Variants in DNAH7 observed in about 807,000 individuals in gnomAD.
DNAH7 encodes the protein dynein axonemal heavy chain 7.
DNAH7 carries 397 observed loss-of-function variants against 444.6 expected under a neutral mutation model. The ratio of observed to expected loss-of-function variants is 0.89; its 90% confidence interval spans 0.82 to 0.97. DNAH7 has a LOEUF of 0.97. DNAH7 is among the 50% of genes least tolerant of loss of function. The pLI is 0.00. For missense variants in DNAH7, 4,902 were observed against 4,800.8 expected (o/e 1.02, Z -0.62); for synonymous variants, 1,636 against 1,624.4 (o/e 1.01, Z -0.17).
At chr2:195,965,022 G>C (rs1192530391) in intron 17 of DNAH7, among the ~76,000 whole-genome samples, 1 of 152,140 alleles carries the variant, frequency 6.6e-6, no homozygotes, top group East Asian at 1.9e-4. Context: ...TGGTGAAAGT[G>C]GGCATCCTTG....
chr2:195,990,752 A>T (rs1693246550), intron 12 of DNAH7, among the ~76,000 whole-genome samples: 1 of 146,012 alleles, frequency 6.8e-6, no homozygotes, highest in South Asian at 2.1e-4. Context: ...CAGTACCATG[A>T]TGTTTAGGTT....
chr2:196,016,583 G>A lies in DNAH7; in HGVS notation c.869+2587C>T, dbSNP rs182458429. Among the ~76,000 whole-genome samples the A allele has an allele frequency of 2.6e-4, 39 of 152,332 alleles. 1 individual carries two copies. The East Asian group carries it at 5.8e-3, about 23-fold the overall frequency. ...TAAGGATCCTAGCCCATTCTCTGAA[G>A]TCAGCAGAGGCCCCTGAAGTATGTA... On this transcript the variant is annotated intron_variant, in intron 9 of 64. Transcript: ENST00000312428.
At chr2:195,989,355 T>G (rs1004305544) in intron 12 of DNAH7, among the ~76,000 whole-genome samples, 3 of 152,186 alleles carry the variant, frequency 2.0e-5, no homozygotes, top group Non-Finnish European at 2.9e-5. Flanking sequence ...CACATCATCT[T>G]TTGTCTTTTC....
chr2:196,061,191 T>A (rs1307470317), intron 1 of DNAH7, among the ~76,000 whole-genome samples: 1 of 152,154 alleles, frequency 6.6e-6, no homozygotes, highest in African/African-American at 2.4e-5. Context: ...TGATCTTATT[T>A]CTCCTGTTCC....
chr2:196,019,658 C>T (rs1695249983), intron 8 of DNAH7, among the ~76,000 whole-genome samples: 1 of 152,154 alleles, frequency 6.6e-6, no homozygotes, highest in South Asian at 2.1e-4. Flanking sequence ...TCAGGACATA[C>T]ATTTAAATTT....
chr2:195,936,494 AAAT>A, intron 20 of DNAH7, 102 bp downstream of exon 20: 1 of 702,320 alleles, frequency 1.4e-6, no homozygotes, highest in Non-Finnish European at 2.1e-6. Flanking sequence ...CTTGTAGAAA[AAAT>A]ATTATATAAA....
chr2:195,991,183 A>G (rs1693314769), intron 12 of DNAH7, among the ~76,000 whole-genome samples: 1 of 151,938 alleles, frequency 6.6e-6, no homozygotes, highest in Non-Finnish European at 1.5e-5. Flanking sequence ...GCTAGCATAC[A>G]ACACAAAGCT....
intron 17 of DNAH7, among the ~76,000 whole-genome samples, chr2:195,963,721 TGTA>T (rs1691269353): frequency 6.6e-6 from 1 of 152,244 alleles, no homozygotes; most frequent in Non-Finnish European, 1.5e-5. Flanking sequence ...CAATGTTTCT[TGTA>T]GTAGTTTCAT....
intron 21 of DNAH7, 73 bp from the exon 22 acceptor site, chr2:195,926,639 T>A: frequency 7.5e-7 from 1 of 1,342,054 alleles, no homozygotes. Context: ...TAAACTAAAC[T>A]AGATTAATTC....
intron 5 of DNAH7, among the ~76,000 whole-genome samples, chr2:196,041,182 CACAG>C (rs1350697679): frequency 5.9e-5 from 9 of 152,002 alleles, no homozygotes; most frequent in African/African-American, 2.2e-4. Flanking sequence ...TGACACTCTT[CACAG>C]ACATAGAAAA....
At chr2:195,855,007 T>G (rs1287672596) in intron 45 of DNAH7, among the ~76,000 whole-genome samples, 1 of 152,212 alleles carries the variant, frequency 6.6e-6, no homozygotes, top group Non-Finnish European at 1.5e-5. Flanking sequence ...GCTATTGGAA[T>G]CAGGCTGCCT....
intron 55 of DNAH7, among the ~76,000 whole-genome samples, chr2:195,798,132 C>G (rs1007517076): frequency 1.3e-5 from 2 of 152,090 alleles, no homozygotes; most frequent in African/African-American, 4.8e-5. Flanking sequence ...AAATTTTTTT[C>G]TATGCCTTAT....
At chr2:195,924,778 G>A (rs1574785845) in intron 22 of DNAH7, among the ~76,000 whole-genome samples, 1 of 152,104 alleles carries the variant, frequency 6.6e-6, no homozygotes, top group East Asian at 1.9e-4. Flanking sequence ...CATTGAATAT[G>A]TTAGTTTATA....
chr2:195,836,996 T>C (rs987654567), intron 47 of DNAH7, among the ~76,000 whole-genome samples: 1 of 152,236 alleles, frequency 6.6e-6, no homozygotes, highest in African/African-American at 2.4e-5. Context: ...CTTTTCTCTC[T>C]GAACTTCTTT....
intron 36 of DNAH7, among the ~76,000 whole-genome samples, chr2:195,879,148 G>C (rs569545985): frequency 3.3e-5 from 5 of 152,224 alleles, no homozygotes; most frequent in African/African-American, 1.2e-4. Flanking sequence ...GAATACAAAA[G>C]TATGACTCAT....
At chr2:195,798,280 A>G (rs1184314095) in intron 55 of DNAH7, among the ~76,000 whole-genome samples, 1 of 152,184 alleles carries the variant, frequency 6.6e-6, no homozygotes, top group African/African-American at 2.4e-5. Context: ...GAGTTGTAGA[A>G]CATGTATGTA....
At chr2:195,988,719 A>AGAT (rs1693093428) in intron 12 of DNAH7, among the ~76,000 whole-genome samples, 1 of 152,062 alleles carries the variant, frequency 6.6e-6, no homozygotes, top group Non-Finnish European at 1.5e-5. Context: ...AGCTATTTTG[A>AGAT]GATATATAAT....
At position 195,775,797 on chromosome 2, in the gene DNAH7, G is replaced by A. The variant is rs564066180; in HGVS notation, c.11202+49C>T. 9 of 1,581,940 alleles carry A rather than the reference G, an allele frequency of 5.7e-6. No individual in the cohort carries two copies. In the East Asian group the frequency reaches 1.8e-4, roughly 32 times the overall value. On this transcript the variant is annotated intron_variant, in intron 60 of 64. Transcript: ENST00000312428. ...TTCAGTGCTGGCACACGTGCCTGGG[G>A]AGCATCCTTCCCAGGCCTCAGAATC...
chr2:195,982,375 G>C (rs541807640), intron 15 of DNAH7, among the ~76,000 whole-genome samples: 1 of 152,290 alleles, frequency 6.6e-6, no homozygotes, highest in Non-Finnish European at 1.5e-5. Context: ...TCTTACACTG[G>C]TGGTGGGAAT....
Sources: gnomAD v4.1 joint callset for allele counts (sites outside exome capture counted in the v4.1 genomes callset) on GRCh38, gnomAD v4.1.1 for gene constraint, MANE v1.5 for transcripts, NCBI Gene and HGNC (gene_info 2026-07-23, HGNC 2026-07-21) for gene names.